Variants in PRDM15 observed in about 807,000 individuals in gnomAD.
PRDM15 encodes the protein PR domain zinc finger protein 15.
Under a neutral mutation model 128.6 loss-of-function variants are expected in PRDM15, and 64 were observed. That is an observed-to-expected ratio of 0.50 (90% CI 0.41 to 0.61). The LOEUF (loss-of-function observed/expected upper bound fraction) is 0.61. Among genes scored for constraint, PRDM15 ranks in the 20% least tolerant of loss-of-function variants. PRDM15 has a pLI of 0.00. For missense variants in PRDM15, 1,242 were observed against 1,569.1 expected (o/e 0.79, Z 3.52); for synonymous variants, 615 against 621.8 (o/e 0.99, Z 0.16).
intron 14 of PRDM15, among the ~76,000 whole-genome samples, chr21:41,822,616 C>T (rs1429855709): frequency 4.6e-5 from 7 of 152,194 alleles, no homozygotes; most frequent in African/African-American, 1.4e-4. Flanking sequence ...TATTTGAGGA[C>T]GCTGCTGTGG....
chr21:41,825,856 C>T (rs77948159), intron 13 of PRDM15, 104 bp downstream of exon 13: 75 of 916,562 alleles, frequency 8.2e-5, no homozygotes, highest in Non-Finnish European at 1.1e-4. Context: ...TCGTTACCCC[C>T]CAAATCTTCC....
rs528681885 is a variant in PRDM15 at position 41,805,965 on chromosome 21, CACT to C, written c.2653-1354_2653-1352del. On this transcript the variant is annotated intron_variant, in intron 21 of 23. Transcript: ENST00000398548. ...CACTACCACCACGTGGCATCACCAC[CACT>C]GCCATTCCTATCACCACTATCACCA... Among the ~76,000 whole-genome samples the C allele has an allele frequency of 2.2e-3, 326 of 147,920 alleles. 1 individual carries two copies. Among genetic ancestry groups the C allele is most frequent in the African/African-American group, 7.9e-3 (314 of 39,944 alleles).
At chr21:41,835,125 A>C (rs1009651841) in intron 11 of PRDM15, among the ~76,000 whole-genome samples, 1 of 152,134 alleles carries the variant, frequency 6.6e-6, no homozygotes, top group Non-Finnish European at 1.5e-5. Context: ...CCTAGAAAAC[A>C]TTGGACACTG....
intron 5 of PRDM15, among the ~76,000 whole-genome samples, chr21:41,852,423 G>A (rs1568986936): frequency 6.6e-6 from 1 of 152,200 alleles, no homozygotes; most frequent in African/African-American, 2.4e-5. Context: ...GCCCAGCCTC[G>A]CAGGACTTGG....
At chr21:41,825,922 T>C in intron 13 of PRDM15, 38 bp downstream of exon 13, 1 of 1,453,328 alleles carries the variant, frequency 6.9e-7, no homozygotes, top group Non-Finnish European at 9.7e-7. Context: ...AATGATGTGC[T>C]TTCCATCTCA....
intron 6 of PRDM15, among the ~76,000 whole-genome samples, chr21:41,841,162 A>T (rs897064895): frequency 2.0e-5 from 3 of 152,236 alleles, no homozygotes; most frequent in African/African-American, 7.2e-5. Flanking sequence ...GACTCTTCAG[A>T]TTCAAGATCT....
In PRDM15 at chr21:41,832,522, A is replaced by T. The variant is rs2062730214; in HGVS notation, c.1366+2915T>A. Among the ~76,000 whole-genome samples the T allele has an allele frequency of 6.6e-6, 1 of 152,086 alleles. No homozygotes were observed. The highest frequency in any genetic ancestry group is 6.5e-5 in the Admixed American group (1 of 15,276). Reference sequence around the variant, plus strand: ...GTGGCAACGGATCACCATAGGCCACACCTTTACAGTGCTGTGGCATTGGAT... The same window carrying T: ...GTGGCAACGGATCACCATAGGCCACTCCTTTACAGTGCTGTGGCATTGGAT... On this transcript the variant is annotated intron_variant, in intron 11 of 23. Transcript: ENST00000398548. This position sits in a 1 kb window ranked among gnomAD's most constrained non-coding sequence, Gnocchi z 4.2.
At chr21:41,875,653 C>A (rs1162102697) in intron 1 of PRDM15, among the ~76,000 whole-genome samples, 11 of 152,234 alleles carry the variant, frequency 7.2e-5, no homozygotes, top group Admixed American at 7.2e-4. Context: ...TACACTTCTT[C>A]CTCTAGGAAC....
chr21:41,816,731 C>T (rs981597377), intron 18 of PRDM15, among the ~76,000 whole-genome samples: 30 of 152,144 alleles, frequency 2.0e-4, no homozygotes, highest in African/African-American at 7.0e-4. Context: ...GAGAAAACTG[C>T]GCGGCTGGGC....
chr21:41,823,874 T>C (rs1207570693), intron 13 of PRDM15, among the ~76,000 whole-genome samples: 1 of 152,250 alleles, frequency 6.6e-6, no homozygotes, highest in Non-Finnish European at 1.5e-5. Flanking sequence ...ACATTCCCAA[T>C]GTCTCTGATT....
At chr21:41,814,376 C>T (rs1161411757) in intron 19 of PRDM15, 5 of 49,392 alleles carry the variant, frequency 1.0e-4, no homozygotes, top group Admixed American at 2.1e-4. Context: ...TTAGTGATTG[C>T]GCAGGGTGCT....
At chr21:41,861,543 C>A (rs1031803121) in intron 1 of PRDM15, 9 of 1,572,394 alleles carry the variant, frequency 5.7e-6, no homozygotes, top group Admixed American at 3.5e-5. Context: ...TGCCCCCCCC[C>A]AATCCCCAAC....
At position 41,832,064 on chromosome 21, in the gene PRDM15, C is replaced by T. The variant is rs907043805; in HGVS notation, c.1366+3373G>A. On this transcript the variant is annotated intron_variant, in intron 11 of 23. Transcript: ENST00000398548. This position sits in a 1 kb window ranked among gnomAD's most constrained non-coding sequence, Gnocchi z 4.2. ...CATGGTATGTGTCCTTCACACACTG[C>T]GTCTGAGGCGTGCGTGTTTACAGTG... 2.0e-5 allele frequency among the ~76,000 whole-genome samples: 3 copies of T among 152,226 alleles called. No individual in the cohort carries two copies. Among genetic ancestry groups the T allele is most frequent in the Admixed American group, 6.5e-5 (1 of 15,288 alleles).
intron 4 of PRDM15, among the ~76,000 whole-genome samples, chr21:41,856,842 T>C (rs907544906): frequency 1.3e-5 from 2 of 152,214 alleles, no homozygotes; most frequent in African/African-American, 4.8e-5. Flanking sequence ...ACTAGAGCGA[T>C]GGGCCCCTGC....
chr21:41,861,471 G>T, intron 1 of PRDM15: 1 of 1,147,608 alleles, frequency 8.7e-7, no homozygotes, highest in Non-Finnish European at 1.2e-6. Flanking sequence ...ACCTCATGCA[G>T]TTTGGGAGGA....
chr21:41,847,468 C>G (rs892324054), intron 5 of PRDM15, among the ~76,000 whole-genome samples: 1 of 152,196 alleles, frequency 6.6e-6, no homozygotes, highest in Non-Finnish European at 1.5e-5. Flanking sequence ...GCTGAGAACT[C>G]CTCCAAGAAG....
intron 1 of PRDM15, chr21:41,861,636 C>T (rs1486901731): frequency 6.2e-7 from 1 of 1,614,094 alleles, no homozygotes; most frequent in Non-Finnish European, 8.5e-7. Context: ...CATGCTGGCA[C>T]TTCTTGAATG....
At chr21:41,865,111 GC>G in intron 1 of PRDM15, among the ~76,000 whole-genome samples, 1 of 136,878 alleles carries the variant, frequency 7.3e-6, no homozygotes, top group Non-Finnish European at 1.6e-5. Flanking sequence ...AGCCCTCTCT[GC>G]CATGCCTGCT....
At position 41,801,546 on chromosome 21, in the gene PRDM15, G is replaced by C. The variant is rs1334733033; in HGVS notation, c.3120C>G (p.Ile1040Met). The change falls in exon 24 of 24, where the codon ATC (isoleucine) becomes ATG (methionine). Residue 1040 changes from isoleucine (I) to methionine (M), a missense_variant. Physicochemically the swap from Ile to Met is conservative, Grantham distance 10. Transcript: ENST00000398548. ...PERQLQLDNS[I>M]LTVTFDTVSG... is the part of the protein sequence containing the mutation. Reference sequence around the variant, plus strand: ...TGACGGTATCAAAGGTCACGGTCAGGATTGAGTTGTCCAGCTGTAACTGGC... The same window carrying C: ...TGACGGTATCAAAGGTCACGGTCAGCATTGAGTTGTCCAGCTGTAACTGGC... 1 of 1,614,222 alleles carries C rather than the reference G, an allele frequency of 6.2e-7. No homozygotes were observed. Among genetic ancestry groups the C allele is most frequent in the East Asian group, 2.2e-5 (1 of 44,890 alleles).
Sources: allele counts gnomAD v4.1 joint callset (sites outside exome capture counted in the v4.1 genomes callset), GRCh38; gene constraint gnomAD v4.1.1; non-coding constraint Gnocchi (gnomAD v3.1); transcripts MANE v1.5; gene names NCBI Gene and HGNC (gene_info 2026-07-23, HGNC 2026-07-21).